Variants in ZFHX3 observed in about 807,000 individuals in gnomAD.
ZFHX3 encodes the protein zinc finger homeobox 3, also known as zinc finger homeobox protein 3.
A neutral mutation model predicts 279.1 loss-of-function variants in ZFHX3; 42 were observed. The ratio of observed to expected loss-of-function variants is 0.15; its 90% CI spans 0.12 to 0.19. The LOEUF is 0.19. ZFHX3 is among the 10% of genes least tolerant of loss of function. The pLI is 1.00. For synonymous variants in ZFHX3, 2,293 were observed against 1,957.8 expected, an observed-to-expected ratio of 1.17 and a Z score of -4.52; for missense variants, 4,981 against 4,754.0, an observed-to-expected ratio of 1.05 and a Z score of -1.40.
chr16:72,811,813 G>A, intron 6 of ZFHX3, 36 bp from the exon 7 acceptor site: 1 of 1,604,348 alleles, frequency 6.2e-7, no homozygotes, highest in African/African-American at 1.3e-5. Flanking sequence ...GAGCAACTGT[G>A]TGTGCCCCAA....
At chr16:72,967,941 A>AC (rs1961926001) in intron 1 of ZFHX3, among the ~76,000 whole-genome samples, 1 of 151,220 alleles carries the variant, frequency 6.6e-6, no homozygotes, top group African/African-American at 2.4e-5. Flanking sequence ...AAAAAAAAAA[A>AC]AGTTTGAATA....
At chr16:73,702,158 C>G (rs28693794) in intron 1 of ZFHX3, among the ~76,000 whole-genome samples, 3,308 of 152,012 alleles carry the variant, frequency 0.022, 135 homozygotes, top group African/African-American at 0.075. Context: ...TAATAACAAC[C>G]GCACCCCCCA....
chr16:73,147,901 G>A (rs1387960154), intron 5 of ZFHX3, among the ~76,000 whole-genome samples: 1 of 152,000 alleles, frequency 6.6e-6, no homozygotes, highest in Non-Finnish European at 1.5e-5. Context: ...CCCATAGCCC[G>A]GGCTTTTCCA....
intron 7 of ZFHX3, among the ~76,000 whole-genome samples, chr16:73,116,273 C>T (rs181593940): frequency 3.9e-5 from 6 of 152,114 alleles, no homozygotes; most frequent in South Asian, 2.1e-4. Context: ...GGGTGGGTGG[C>T]GGGGGAGTGT....
intron 2 of ZFHX3, among the ~76,000 whole-genome samples, chr16:73,662,153 C>A (rs1336768284): frequency 2.0e-5 from 3 of 152,066 alleles, no homozygotes; most frequent in Admixed American, 2.0e-4. Context: ...TATGTTAAAA[C>A]CCTGATATTA....
chr16:72,896,759 G>A (rs1171505475), intron 3 of ZFHX3, among the ~76,000 whole-genome samples: 3 of 152,148 alleles, frequency 2.0e-5, no homozygotes, highest in East Asian at 1.9e-4. Context: ...CCTCCCCAAC[G>A]ATAGGAAACT....
intron 5 of ZFHX3, among the ~76,000 whole-genome samples, chr16:73,217,518 A>T (rs2012257422): frequency 6.6e-6 from 1 of 152,168 alleles, no homozygotes; most frequent in Non-Finnish European, 1.5e-5. Flanking sequence ...CTTTTAAATT[A>T]AGACCATTGT....
chr16:73,055,678 A>ATC (rs1491191958), intron 1 of ZFHX3, among the ~76,000 whole-genome samples: 14 of 117,380 alleles, frequency 1.2e-4, no homozygotes, highest in African/African-American at 3.9e-4. Flanking sequence ...GTGCAGACGT[A>ATC]CGCGCGCGCG....
chr16:72,875,439 T>C (rs990388287), intron 4 of ZFHX3, among the ~76,000 whole-genome samples: 1 of 152,184 alleles, frequency 6.6e-6, no homozygotes, highest in African/African-American at 2.4e-5. Context: ...CGGGAATCCC[T>C]GAGGGAAATT....
intron 2 of ZFHX3, among the ~76,000 whole-genome samples, chr16:73,640,523 C>T (rs1372078788): frequency 6.6e-6 from 1 of 152,076 alleles, no homozygotes; most frequent in African/African-American, 2.4e-5. Context: ...AGGACATTGC[C>T]TCTAGAAAAC....
chr16:73,811,435 CTTCT>C (rs1351406558), intron 1 of ZFHX3, among the ~76,000 whole-genome samples: 8 of 142,268 alleles, frequency 5.6e-5, no homozygotes, highest in Admixed American at 1.4e-4. Flanking sequence ...CCTTCAGTCT[CTTCT>C]TTTTTTTTTT....
At chr16:73,389,495 G>C (rs927518581) in intron 3 of ZFHX3, among the ~76,000 whole-genome samples, 5 of 152,200 alleles carry the variant, frequency 3.3e-5, no homozygotes, top group African/African-American at 1.2e-4. Flanking sequence ...GAGTCATGGA[G>C]CCATGTAATT....
chr16:73,806,607 G>A lies in ZFHX3; in HGVS notation c.-1608+85044C>T, dbSNP rs540130720. On this transcript the variant is annotated intron_variant, in intron 1 of 17. Coordinates refer to the ZFHX3 transcript ENST00000641206. ...CCAATAACACTGGTTGGTGGGGGGG[G>A]TCAAGTAAATCAAATGAGCCCCAAT... Among the ~76,000 whole-genome samples the A allele has an allele frequency of 5.1e-4, 78 of 152,178 alleles. No homozygotes were observed. In the South Asian group the frequency reaches 0.015, roughly 29 times the overall value.
At chr16:73,574,138 A>G (rs2051771574) in intron 2 of ZFHX3, among the ~76,000 whole-genome samples, 1 of 152,190 alleles carries the variant, frequency 6.6e-6, no homozygotes, top group Non-Finnish European at 1.5e-5. Context: ...TTTCCCCTAA[A>G]TGTGAGGCTA....
At chr16:73,115,210 C>T (rs972941143) in intron 7 of ZFHX3, among the ~76,000 whole-genome samples, 4 of 151,812 alleles carry the variant, frequency 2.6e-5, no homozygotes, top group Non-Finnish European at 4.4e-5. Flanking sequence ...CCATTAAGTC[C>T]GACTCCAGGG....
At position 73,633,216 on chromosome 16, in the gene ZFHX3, T is replaced by C. The variant is rs117028139; in HGVS notation, c.-1547+46964A>G. 3.7e-4 allele frequency among the ~76,000 whole-genome samples: 56 copies of C among 152,284 alleles called. 2 individuals are homozygous for C. In the East Asian group the frequency reaches 0.011, roughly 29 times the overall value. Reference sequence around the variant, plus strand: ...GCTAAAGGTTGATCTACTTAATATATGAAGGAGATCGAAATTGAGAAGGAG... The same window carrying C: ...GCTAAAGGTTGATCTACTTAATATACGAAGGAGATCGAAATTGAGAAGGAG... On this transcript the variant is annotated intron_variant, in intron 2 of 17. Coordinates refer to the ZFHX3 transcript ENST00000641206.
At chr16:73,179,096 A>C (rs892115748) in intron 5 of ZFHX3, among the ~76,000 whole-genome samples, 1 of 152,198 alleles carries the variant, frequency 6.6e-6, no homozygotes, top group African/African-American at 2.4e-5. Flanking sequence ...GACCTTGTGG[A>C]TACCTGGACT....
intron 1 of ZFHX3, among the ~76,000 whole-genome samples, chr16:72,971,615 A>T (rs1962107175): frequency 6.6e-6 from 1 of 152,170 alleles, no homozygotes. Flanking sequence ...TTGCTGACTC[A>T]AATGCTAGGA....
Position 72,959,451 on chromosome 16 carries a change from C to T in ZFHX3, c.695G>A (p.Arg232His), listed in dbSNP as rs765589758. The T allele has an allele frequency of 8.7e-6, 14 of 1,614,102 alleles. No homozygotes were observed. The highest frequency in any genetic ancestry group is 1.3e-5 in the African/African-American group (1 of 74,944). ...GCTTTTGTGTCGCACGTCAAACACG[C>T]GGAAGCTGTGCAGGACGGGGCTGAG... ...AGLSPVLHSF[R>H]VFDVRHKSNK... Residue 232 changes from arginine to histidine, a missense_variant, in exon 2 of 10, where the codon CGC (arginine) becomes CAC (histidine). Physicochemically the swap from Arg to His is conservative, Grantham distance 29. Coordinates refer to ENST00000268489, the MANE Select transcript of ZFHX3 (RefSeq NM_006885.4).
Sources: allele counts gnomAD v4.1 joint callset (sites outside exome capture counted in the v4.1 genomes callset), GRCh38; gene constraint gnomAD v4.1.1; transcripts MANE v1.5; gene names NCBI Gene and HGNC (gene_info 2026-07-23, HGNC 2026-07-21).